Variants in RAPGEF3 observed in about 807,000 individuals in gnomAD.
RAPGEF3 encodes 9330170P05Rik.
A neutral mutation model predicts 129.8 loss-of-function variants in RAPGEF3; 103 were observed. The ratio of observed to expected loss-of-function variants is 0.79; its 90% CI spans 0.68 to 0.93. RAPGEF3 has a LOEUF of 0.93. RAPGEF3 is among the 40% of genes least tolerant of loss of function. The pLI is 0.00. For missense variants in RAPGEF3, 1,117 were observed against 1,207.4 expected (o/e 0.93, Z 1.11); for synonymous variants, 436 against 482.6 (o/e 0.90, Z 1.26).
chr12:47,746,299 G>A, intron 16 of RAPGEF3: 1 of 295,992 alleles, frequency 3.4e-6, no homozygotes, highest in Non-Finnish European at 6.3e-6. Context: ...GCTGGATGGT[G>A]AGGCCCCTGG....
At chr12:47,739,460 T>C in intron 23 of RAPGEF3, 1 of 693,792 alleles carries the variant, frequency 1.4e-6, no homozygotes, top group Non-Finnish European at 2.6e-6. Flanking sequence ...GCCCCAGGTT[T>C]CTTGGAAAAG....
chr12:47,758,315 C>A (rs1435859749), intron 1 of RAPGEF3: 5 of 1,434,508 alleles, frequency 3.5e-6, no homozygotes, highest in African/African-American at 1.4e-5. Flanking sequence ...CCTTCTTAGT[C>A]CTCTTTGGAA....
Position 47,751,223 on chromosome 12 carries a change from G to C in RAPGEF3, c.503-7C>G. ...AAGGCCCAGTCGTGTTTCACTGGGG[G>C]GCAGAGGCCCAGGCGTGGGGGAGGA... On this transcript the variant is annotated splice_polypyrimidine_tract_variant and splice_region_variant and intron_variant, in intron 5 of 27. Transcript: ENST00000449771. 1 of 1,549,000 alleles carries C rather than the reference G, an allele frequency of 6.5e-7. No homozygotes were observed. Among genetic ancestry groups the C allele is most frequent in the Non-Finnish European group, 8.7e-7 (1 of 1,145,658 alleles).
intron 22 of RAPGEF3, 38 bp downstream of exon 22, chr12:47,740,267 G>T (rs376437797): frequency 3.7e-6 from 6 of 1,612,468 alleles, no homozygotes; most frequent in Non-Finnish European, 5.1e-6. Flanking sequence ...AGGGCCTGAG[G>T]CCTGACCTCA....
At chr12:47,738,903 T>G in intron 24 of RAPGEF3, 149 bp from the exon 25 acceptor site, 1 of 795,852 alleles carries the variant, frequency 1.3e-6, no homozygotes, top group Non-Finnish European at 2.1e-6. Context: ...AGCATTTCCT[T>G]GTATCTCTTA....
Position 47,757,846 on chromosome 12 carries a change from G to A in RAPGEF3, c.219+20C>T. On this transcript the variant is annotated intron_variant, in intron 2 of 27. Transcript: ENST00000449771. ...GCTCTGGTACTGGCCCTGGCACCTG[G>A]GCAGGTGAAAGGTACTCACCCAGCG... The A allele has an allele frequency of 1.3e-6, 2 of 1,543,990 alleles. No homozygotes were observed. Among genetic ancestry groups the A allele is most frequent in the Non-Finnish European group, 1.8e-6 (2 of 1,142,708 alleles).
Position 47,739,426 on chromosome 12 carries a change from A to G in RAPGEF3, c.2374-196T>C, listed in dbSNP as rs1266767861. 5.7e-6 allele frequency: 4 copies of G among 702,560 alleles called. No homozygotes were observed. In the South Asian group the frequency reaches 6.0e-5, roughly 11 times the overall value. The allele number at this position is 702,560 out of a possible 1,614,324, so 43.5% of individuals were successfully genotyped here. The stretch of plus-strand genomic sequence containing the variant: ...TCCAACCTCCCATTAGCACTGAGAA[A>G]ATTCACAGCAGTTAGTCACAGGGGC... On this transcript the variant is annotated intron_variant, in intron 23 of 27. Transcript: ENST00000449771.
Position 47,738,072 on chromosome 12 carries a change from C to A in RAPGEF3, c.2603G>T (p.Ser868Ile). 5 of 1,575,164 alleles carry A rather than the reference C, an allele frequency of 3.2e-6. No homozygotes were observed. Among genetic ancestry groups the A allele is most frequent in the African/African-American group, 1.4e-5 (1 of 73,842 alleles). Reference protein sequence around the residue: ...HNPVPLSPLRSRVSHLHEDSQ... With the variant: ...HNPVPLSPLRIRVSHLHEDSQ... ...GTCCTCGTGGAGGTGGGAAACTCGG[C>A]TTCTGAGTGGTGAGAGAGGCACTGC... Residue 868 changes from serine (S) to isoleucine (I), a missense_variant, in exon 27 of 28, where the codon AGC (serine) becomes ATC (isoleucine). This residue lies in a region of RAPGEF3 where 643 missense variants were observed against 673.4 expected (regional missense o/e 0.95). Transcript: ENST00000449771.
In RAPGEF3 at chr12:47,751,512, C is replaced by A. The variant is rs967746021; in HGVS notation, c.389G>T (p.Cys130Phe). The change falls in exon 5 of 28, where the codon TGC becomes TTC. Residue 130 changes from cysteine (C) to phenylalanine (F), a missense_variant. By Grantham distance (205) the Cys-to-Phe change is radical (BLOSUM62 -2). This residue lies in a region of RAPGEF3 where 367 missense variants were observed against 373.4 expected (regional missense o/e 0.98). Coordinates refer to ENST00000449771, the MANE Select transcript of RAPGEF3 (RefSeq NM_001098531.4). ...CCCATCCACCAGCTCCCGGCCAGAG[C>A]AGCACTGCCTATGGAAGGTAGAAGG... ...KYHLRLYRQC[C>F]SGRELVDGIL... 6.2e-7 allele frequency: 1 copy of A among 1,614,234 alleles called. No individual in the cohort carries two copies. The highest frequency in any genetic ancestry group is 1.1e-5 in the South Asian group (1 of 91,086).
chr12:47,746,471 C>A, intron 16 of RAPGEF3: 2 of 567,770 alleles, frequency 3.5e-6, no homozygotes, highest in South Asian at 4.6e-5. Context: ...CCCCCTCTGA[C>A]TTTCCAGGGA....
Position 47,737,074 on chromosome 12 carries a change from C to G in RAPGEF3, c.*493G>C, listed in dbSNP as rs1940826860. On this transcript the variant is annotated 3_prime_UTR_variant, in exon 28 of 28. Transcript: ENST00000449771. ...ACCACCGCACAGGCCCGCAGCCCCA[C>G]TGCCTGCTGTTGGAAGAAAGCTGTG... 5.8e-6 allele frequency: 1 copy of G among 172,810 alleles called. No individual in the cohort carries two copies. The highest frequency in any genetic ancestry group is 1.2e-5 in the Non-Finnish European group (1 of 82,544). The allele number at this position is 172,810 out of a possible 1,614,324, so 10.7% of individuals were successfully genotyped here.
intron 16 of RAPGEF3, 128 bp from the exon 17 acceptor site, chr12:47,744,196 T>G (rs1941309396): frequency 4.1e-6 from 3 of 737,824 alleles, no homozygotes; most frequent in African/African-American, 3.6e-5. Flanking sequence ...ACCAGAGGGC[T>G]CTGCTTGCCA....
At position 47,744,067 on chromosome 12, in the gene RAPGEF3, G is replaced by A. The variant is rs1941301436; in HGVS notation, c.1598C>T (p.Ala533Val). ...GGGGAGCCAAACAGGCAAGTTCCGG[G>A]CCTGGGAGGAAGAGGAACGAGAAAA... ...GCGNASPQMKARNLPVWLPNQ... is the reference protein window; with the variant it reads ...GCGNASPQMKVRNLPVWLPNQ... Residue 533 changes from alanine to valine, a missense_variant and splice_region_variant, in exon 17 of 28, where the codon GCC (alanine) becomes GTC (valine). Physicochemically the swap from Ala to Val is moderately conservative, Grantham distance 64. Around this residue, in one of 3 missense-constraint regions of RAPGEF3, gnomAD observed 643 missense variants for 673.4 expected, o/e 0.95. Transcript: ENST00000449771. 1.3e-6 allele frequency: 2 copies of A among 1,598,970 alleles called. No individual in the cohort carries two copies. Among genetic ancestry groups the A allele is most frequent in the African/African-American group, 1.3e-5 (1 of 74,580 alleles).
Position 47,738,724 on chromosome 12 carries a change from G to A in RAPGEF3, c.2492C>T (p.Thr831Ile), listed in dbSNP as rs1482964729. The A allele has an allele frequency of 1.9e-6, 3 of 1,611,212 alleles. No individual in the cohort carries two copies. In the African/African-American group the frequency reaches 4.0e-5, roughly 22 times the overall value. Residue 831 changes from threonine to isoleucine, a missense_variant, in exon 25 of 28, where the codon ACA (threonine) becomes ATA (isoleucine). Thr to Ile is a moderately conservative substitution (Grantham distance 89, BLOSUM62 -1). Coordinates refer to ENST00000449771, the MANE Select transcript of RAPGEF3 (RefSeq NM_001098531.4). ...DMTFIHEGNH[T>I]LVENLINFEK... is the part of the protein sequence containing the mutation. ...AAAGTTGATGAGATTCTCCACTAGT[G>A]TGTGGTTTCCCTCATGAATGAAGGT...
chr12:47,750,862 G>C (rs1941699045), intron 6 of RAPGEF3, among the ~76,000 whole-genome samples, 186 bp downstream of exon 6: 2 of 152,136 alleles, frequency 1.3e-5, no homozygotes, highest in South Asian at 4.1e-4. Context: ...GGGGGGGTTT[G>C]GGAGTGTGGA....
chr12:47,750,433 G>A lies in RAPGEF3; in HGVS notation c.672-8C>T, dbSNP rs113200779. The A allele has an allele frequency of 1.9e-6, 3 of 1,611,356 alleles. No individual in the cohort carries two copies. Among genetic ancestry groups the A allele is most frequent in the Non-Finnish European group, 2.5e-6 (3 of 1,178,392 alleles). ...TCCGTGCGCTGACCTGGGCTGCAGGGACAGGAGGAATGGGAGCACACTGTG... is the reference window on the plus strand; with the variant it reads ...TCCGTGCGCTGACCTGGGCTGCAGGAACAGGAGGAATGGGAGCACACTGTG... On this transcript the variant is annotated splice_region_variant and splice_polypyrimidine_tract_variant and intron_variant, in intron 6 of 27. Transcript: ENST00000449771.
At chr12:47,758,318 CTT>C (rs554933281) in intron 1 of RAPGEF3, 2 of 1,434,972 alleles carry the variant, frequency 1.4e-6, no homozygotes, top group South Asian at 3.0e-5. Flanking sequence ...TCTTAGTCCT[CTT>C]TGGAATTCTG....
Position 47,749,166 on chromosome 12 carries a change from C to G in RAPGEF3, c.1041+224G>C. ...CATGCCCATCCTTCCCCTGGTCTCC[C>G]ACACTGAGCCTGAAGTCACTGGTCT... is the stretch of plus-strand genomic sequence containing the variant. On this transcript the variant is annotated intron_variant, in intron 10 of 27. Coordinates refer to ENST00000449771, the MANE Select transcript of RAPGEF3 (RefSeq NM_001098531.4). The surrounding 1 kb of genome is among the most constrained non-coding windows in gnomAD (Gnocchi z 4.5). 1 of 656,110 alleles carries G rather than the reference C, an allele frequency of 1.5e-6. No homozygotes were observed. Among genetic ancestry groups the G allele is most frequent in the East Asian group, 2.7e-5 (1 of 36,642 alleles). 40.6% of individuals were successfully genotyped at this position (656,110 alleles called of 1,614,324 possible). A position where few individuals can be genotyped will look rare whatever the true frequency, so the allele number is the denominator to read the frequency against.
rs141694033 is a variant in RAPGEF3 at position 47,750,898 on chromosome 12, G to A, written c.671+150C>T. On this transcript the variant is annotated intron_variant, in intron 6 of 27. Transcript: ENST00000449771. ...GGGATCCAGGTCACACAGTGAGTCC[G>A]TGGCAGTCAGCGCCAGGGGCTTCTG... The A allele has an allele frequency of 8.2e-4, 911 of 1,111,974 alleles. 3 individuals are homozygous for A. The African/African-American group carries it at 9.1e-3, about 11-fold the overall frequency. 68.9% of individuals were successfully genotyped at this position (1,111,974 alleles called of 1,614,324 possible). A position where few individuals can be genotyped will look rare whatever the true frequency, so the allele number is the denominator to read the frequency against.
Sources: allele counts gnomAD v4.1 joint callset (sites outside exome capture counted in the v4.1 genomes callset), GRCh38; gene constraint gnomAD v4.1.1; regional missense constraint gnomAD v4.1.1; non-coding constraint Gnocchi (gnomAD v3.1); transcripts MANE v1.5; gene names NCBI Gene and HGNC (gene_info 2026-07-23, HGNC 2026-07-21).